MEGF11: variants seen among roughly 807,000 people sequenced by gnomAD.
MEGF11 encodes the protein multiple EGF like domains 11.
A neutral mutation model predicts 146.6 loss-of-function variants in MEGF11; 126 were observed. The observed-to-expected ratio is 0.86, with a 90% confidence interval of 0.74 to 1.00. The LOEUF is 1.00. Ranked by LOEUF, MEGF11 falls within the 50% of genes least tolerant of loss-of-function variation. MEGF11 has a pLI of 0.00. For synonymous variants in MEGF11, 532 were observed against 583.4 expected, an observed-to-expected ratio of 0.91 and a Z score of 1.27; for missense variants, 1,509 against 1,521.2, an observed-to-expected ratio of 0.99 and a Z score of 0.13.
intron 1 of MEGF11, among the ~76,000 whole-genome samples, chr15:66,159,758 T>C (rs2089886334): frequency 6.6e-6 from 1 of 152,010 alleles, no homozygotes; most frequent in Non-Finnish European, 1.5e-5. Context: ...AGGGGGATGC[T>C]GAGGAGCTGG....
chr15:66,200,547 C>T (rs1339115708), intron 1 of MEGF11, among the ~76,000 whole-genome samples: 1 of 152,126 alleles, frequency 6.6e-6, no homozygotes, highest in Non-Finnish European at 1.5e-5. Flanking sequence ...GATCAGTTAT[C>T]CTCATCCCTC....
At chr15:65,981,187 G>T (rs1486606608) in intron 6 of MEGF11, among the ~76,000 whole-genome samples, 2 of 152,210 alleles carry the variant, frequency 1.3e-5, no homozygotes, top group African/African-American at 2.4e-5. Context: ...AAGGAGGAAG[G>T]CATTTTACTT....
At chr15:66,038,493 T>C (rs1203377265) in intron 5 of MEGF11, among the ~76,000 whole-genome samples, 1 of 152,202 alleles carries the variant, frequency 6.6e-6, no homozygotes, top group Non-Finnish European at 1.5e-5. Context: ...TTCCTCTCCT[T>C]TCACACCAGG....
chr15:66,064,718 T>G (rs8030816), intron 5 of MEGF11, among the ~76,000 whole-genome samples: 148,798 of 151,862 alleles, frequency 0.98, 72,984 homozygotes, highest in East Asian at 1. Context: ...TAGTAGAGAC[T>G]GGGTTTCTCC....
rs555586212 is a variant in MEGF11, at chr15:65,961,240, CAGA to C, written c.1113-3522_1113-3520del. Among the ~76,000 whole-genome samples, 625 of 152,208 alleles carry C rather than the reference CAGA, an allele frequency of 4.1e-3. 4 individuals are homozygous for C. The highest frequency in any genetic ancestry group is 5.1e-3 in the Non-Finnish European group (348 of 68,020). On this transcript the variant is annotated intron_variant, in intron 9 of 25. Transcript: ENST00000395614. Reference sequence around the variant, plus strand: ...CAGGGACTGCTGTTTTTGGCTCAGGCAGAAGTTACAGTCACTTGTGTTTAGCCT... The same window carrying C: ...CAGGGACTGCTGTTTTTGGCTCAGGCAGTTACAGTCACTTGTGTTTAGCCT...
At chr15:66,060,043 C>G (rs144037827) in intron 5 of MEGF11, among the ~76,000 whole-genome samples, 1 of 151,102 alleles carries the variant, frequency 6.6e-6, no homozygotes, top group South Asian at 2.1e-4. Flanking sequence ...TGGGGGCAGG[C>G]GGGGAACCAA....
At chr15:66,023,342 T>C (rs950523228) in intron 5 of MEGF11, among the ~76,000 whole-genome samples, 1 of 152,080 alleles carries the variant, frequency 6.6e-6, no homozygotes, top group Non-Finnish European at 1.5e-5. Flanking sequence ...CACAGCTATA[T>C]CCATGAGAGC....
At chr15:66,027,808 T>C (rs371805351) in intron 5 of MEGF11, among the ~76,000 whole-genome samples, 9 of 152,210 alleles carry the variant, frequency 5.9e-5, no homozygotes, top group East Asian at 3.8e-4. Context: ...CTGGAGAGCA[T>C]TGGGCTTAGG....
chr15:66,059,807 G>A (rs550807127), intron 5 of MEGF11, among the ~76,000 whole-genome samples: 40 of 152,254 alleles, frequency 2.6e-4, no homozygotes, highest in African/African-American at 6.3e-4. Context: ...GAAGAAGCCC[G>A]GCTCCCAGGC....
intron 7 of MEGF11, among the ~76,000 whole-genome samples, chr15:65,978,727 G>C (rs915431553): frequency 2.0e-5 from 3 of 152,224 alleles, no homozygotes; most frequent in Non-Finnish European, 4.4e-5. Context: ...TCTTTCCAGA[G>C]ACTGGTTCAG....
chr15:65,982,408 C>CTG lies in MEGF11; in HGVS notation c.473_474dup (p.Gly159GlnfsTer129). 1 of 1,535,512 alleles carries CTG rather than the reference C, an allele frequency of 6.5e-7. No individual in the cohort carries two copies. The highest frequency in any genetic ancestry group is 8.7e-7 in the Non-Finnish European group (1 of 1,143,272). On this transcript the variant is annotated frameshift_variant, in exon 6 of 26. Coordinates refer to ENST00000395614, the MANE Select transcript of MEGF11 (RefSeq NM_001385028.1). LOFTEE classifies it high-confidence loss of function. This position sits in a 1 kb window ranked among gnomAD's most constrained non-coding sequence, Gnocchi z 5.6. ...AAGCCGGCGGCGCACACGCAGGCGC[C>CTG]TGTGATGGGGTTACACAGGGCGCCG...
At chr15:65,977,489 T>C (rs1207468776) in intron 7 of MEGF11, among the ~76,000 whole-genome samples, 1 of 150,052 alleles carries the variant, frequency 6.7e-6, no homozygotes, top group Admixed American at 6.6e-5. Context: ...TTTTTTTTTT[T>C]TTTTTTTTGA....
At position 65,976,547 on chromosome 15, in the gene MEGF11, C is replaced by A. The variant is rs1244204318; in HGVS notation, c.762+4231G>T. ...GACACAGGGAGAAGATGGCCATCTA[C>A]AAGCCAAGGAAAGAGGCTCAGAAGG... On this transcript the variant is annotated intron_variant, in intron 7 of 25. Coordinates refer to ENST00000395614, the MANE Select transcript of MEGF11 (RefSeq NM_001385028.1). 2.0e-5 allele frequency among the ~76,000 whole-genome samples: 3 copies of A among 152,308 alleles called. No individual in the cohort carries two copies. In the East Asian group the frequency reaches 5.8e-4, roughly 29 times the overall value.
intron 7 of MEGF11, among the ~76,000 whole-genome samples, chr15:65,975,191 G>A (rs1466136001): frequency 2.0e-5 from 3 of 152,262 alleles, no homozygotes; most frequent in Admixed American, 6.5e-5. Context: ...GAAGTGCAGT[G>A]GTGCCATCCC....
chr15:66,226,047 G>A (rs1443325553), intron 1 of MEGF11, among the ~76,000 whole-genome samples: 2 of 152,172 alleles, frequency 1.3e-5, no homozygotes, highest in African/African-American at 2.4e-5. Flanking sequence ...AACAGTTCAT[G>A]AGTTTTGACT....
intron 2 of MEGF11, among the ~76,000 whole-genome samples, chr15:66,125,269 A>G (rs181267464): frequency 1.1e-4 from 16 of 152,304 alleles, no homozygotes; most frequent in Admixed American, 3.3e-4. Flanking sequence ...AGAGGCACAC[A>G]TCTAGGAAAA....
chr15:66,198,744 G>A (rs915670186), intron 1 of MEGF11, among the ~76,000 whole-genome samples: 3 of 151,944 alleles, frequency 2.0e-5, no homozygotes, highest in African/African-American at 4.8e-5. Flanking sequence ...CCTCGCCTCC[G>A]AAAGTGCTGG....
chr15:66,091,217 G>C (rs1018277826), intron 5 of MEGF11, among the ~76,000 whole-genome samples: 3 of 152,138 alleles, frequency 2.0e-5, no homozygotes, highest in African/African-American at 7.2e-5. Flanking sequence ...AAGACCCTAA[G>C]GCACTGCAGA....
chr15:66,108,890 G>A (rs1239965925), intron 4 of MEGF11, among the ~76,000 whole-genome samples: 1 of 152,228 alleles, frequency 6.6e-6, no homozygotes, highest in African/African-American at 2.4e-5. Context: ...GCTTCAGCTG[G>A]CCCAGGAAAA....
Sources: gnomAD v4.1 joint callset for allele counts (sites outside exome capture counted in the v4.1 genomes callset) on GRCh38, gnomAD v4.1.1 for gene constraint, Gnocchi (gnomAD v3.1) non-coding constraint, MANE v1.5 for transcripts, NCBI Gene and HGNC (gene_info 2026-07-23, HGNC 2026-07-21) for gene names.